The following SLX4IP variants were observed in gnomAD, a reference collection of about 807,000 sequenced individuals.
SLX4IP encodes SLX4 interacting protein.
A neutral mutation model predicts 32.9 loss-of-function variants in SLX4IP; 34 were observed. The ratio of observed to expected loss-of-function variants is 1.03; its 90% CI spans 0.79 to 1.38. The LOEUF (loss-of-function observed/expected upper bound fraction) is 1.38. Among genes scored for constraint, SLX4IP ranks in the 40% most tolerant of loss-of-function variants. The pLI, the probability that SLX4IP is intolerant of heterozygous loss-of-function variation, is 0.00. For missense variants in SLX4IP, 444 were observed against 479.0 expected, an observed-to-expected ratio of 0.93 and a Z score of 0.68; for synonymous variants, 172 against 171.7, an observed-to-expected ratio of 1.00 and a Z score of -0.01.
At chr20:10,522,681 C>T (rs1363098150) in intron 2 of SLX4IP, among the ~76,000 whole-genome samples, 9 of 152,190 alleles carry the variant, frequency 5.9e-5, no homozygotes, top group Middle Eastern at 3.2e-3. Flanking sequence ...TCATCTCATG[C>T]GCTTACATAT....
intron 4 of SLX4IP, among the ~76,000 whole-genome samples, chr20:10,572,066 G>C (rs2066473150): frequency 6.6e-6 from 1 of 152,120 alleles, no homozygotes; most frequent in South Asian, 2.1e-4. Flanking sequence ...CTGGCTCTGG[G>C]TTAGATCTTC....
intron 4 of SLX4IP, among the ~76,000 whole-genome samples, chr20:10,561,790 T>C (rs1568741891): frequency 6.6e-6 from 1 of 152,202 alleles, no homozygotes; most frequent in East Asian, 1.9e-4. Context: ...CTTAGAATAA[T>C]AGTCTCAAGT....
intron 2 of SLX4IP, among the ~76,000 whole-genome samples, chr20:10,483,425 A>G (rs2065542795): frequency 6.6e-6 from 1 of 152,150 alleles, no homozygotes. Context: ...CTTGTCCAAG[A>G]AAGGTAATTT....
intron 6 of SLX4IP, among the ~76,000 whole-genome samples, chr20:10,618,351 C>T (rs1218003406): frequency 1.3e-5 from 2 of 152,166 alleles, no homozygotes; most frequent in African/African-American, 4.8e-5. Context: ...TGTGTACTGA[C>T]ATTCTTTATA....
intron 4 of SLX4IP, among the ~76,000 whole-genome samples, chr20:10,564,247 CT>C (rs1226462077): frequency 6.6e-6 from 1 of 152,190 alleles, no homozygotes; most frequent in African/African-American, 2.4e-5. Flanking sequence ...ATCTAACTGC[CT>C]GTTTTCAGCT....
At chr20:10,437,422 T>C (rs915805226) in intron 1 of SLX4IP, among the ~76,000 whole-genome samples, 1 of 152,208 alleles carries the variant, frequency 6.6e-6, no homozygotes, top group Non-Finnish European at 1.5e-5. Flanking sequence ...CTGGATGAAA[T>C]TAAAGAGCCA....
intron 1 of SLX4IP, among the ~76,000 whole-genome samples, chr20:10,453,744 A>AT (rs952187523): frequency 8.7e-6 from 1 of 114,450 alleles, no homozygotes; most frequent in Non-Finnish European, 2.1e-5. Flanking sequence ...CTTAAAAAAA[A>AT]TTTTTTTTTT....
chr20:10,474,064 C>T (rs2065452265), intron 2 of SLX4IP, among the ~76,000 whole-genome samples: 1 of 152,026 alleles, frequency 6.6e-6, no homozygotes, highest in African/African-American at 2.4e-5. Context: ...CTCAGATGAC[C>T]CACCTGCCTC....
At chr20:10,492,679 G>T (rs2065634078) in intron 2 of SLX4IP, among the ~76,000 whole-genome samples, 1 of 152,016 alleles carries the variant, frequency 6.6e-6, no homozygotes, top group African/African-American at 2.4e-5. Context: ...GTCTTTTATG[G>T]TTTGTACTTT....
chr20:10,436,944 A>T (rs1465742773), intron 1 of SLX4IP, among the ~76,000 whole-genome samples: 2 of 148,660 alleles, frequency 1.3e-5, no homozygotes, highest in Non-Finnish European at 3.0e-5. Flanking sequence ...AAAGTTGTTT[A>T]CTGTGCTTCT....
chr20:10,436,351 CCTTT>C (rs1321592828), intron 1 of SLX4IP, among the ~76,000 whole-genome samples: 3 of 134,360 alleles, frequency 2.2e-5, no homozygotes, highest in Admixed American at 7.9e-5. Flanking sequence ...AAGATACAGC[CCTTT>C]CTTTCTTTCT....
intron 2 of SLX4IP, among the ~76,000 whole-genome samples, chr20:10,493,675 T>A (rs665023): frequency 0.42 from 63,429 of 151,810 alleles, 13,639 homozygotes; most frequent in Admixed American, 0.51. Flanking sequence ...TAGTGGTTAT[T>A]CCTGTCTTGT....
At chr20:10,560,856 A>G in intron 4 of SLX4IP, 36 bp downstream of exon 4, 1 of 1,537,726 alleles carries the variant, frequency 6.5e-7, no homozygotes, top group Non-Finnish European at 8.7e-7. Flanking sequence ...GACAAAAAAT[A>G]AATAGAATTT....
In SLX4IP at chr20:10,624,051, A is replaced by C. The variant is rs1397944988; in HGVS notation, c.*672A>C. Reference sequence around the variant, plus strand: ...GCTCACCAGTTGGGGCCAGATGTGCACATGCATCCCCTCGGACTCCCTCAA... The same window carrying C: ...GCTCACCAGTTGGGGCCAGATGTGCCCATGCATCCCCTCGGACTCCCTCAA... On this transcript the variant is annotated 3_prime_UTR_variant, in exon 8 of 8. Transcript: ENST00000334534. 1 of 152,454 alleles carries C rather than the reference A, an allele frequency of 6.6e-6. No homozygotes were observed. The highest frequency in any genetic ancestry group is 1.5e-5 in the Non-Finnish European group (1 of 68,234). 9.4% of individuals were successfully genotyped at this position (152,454 alleles called of 1,614,324 possible).
chr20:10,436,323 G>A (rs1017940880), intron 1 of SLX4IP, among the ~76,000 whole-genome samples: 3 of 151,844 alleles, frequency 2.0e-5, no homozygotes, highest in African/African-American at 7.3e-5. Context: ...AAGGAACATT[G>A]ATTCAGGGCA....
At chr20:10,540,171 C>T (rs1328494634) in intron 2 of SLX4IP, among the ~76,000 whole-genome samples, 1 of 150,060 alleles carries the variant, frequency 6.7e-6, no homozygotes, top group Non-Finnish European at 1.5e-5. Flanking sequence ...CTCCTTCCTT[C>T]CTTCCTTCCC....
intron 6 of SLX4IP, among the ~76,000 whole-genome samples, chr20:10,612,500 A>C (rs936282945): frequency 2.0e-5 from 3 of 152,186 alleles, no homozygotes; most frequent in Non-Finnish European, 4.4e-5. Context: ...TATGTTTTGT[A>C]ATATTCTACT....
chr20:10,527,558 G>A (rs906770715), intron 2 of SLX4IP, among the ~76,000 whole-genome samples: 3 of 152,182 alleles, frequency 2.0e-5, no homozygotes, highest in African/African-American at 4.8e-5. Flanking sequence ...TTTTTATAAG[G>A]TATAAGGGAA....
intron 2 of SLX4IP, among the ~76,000 whole-genome samples, chr20:10,526,480 GA>G (rs2065941421): frequency 6.6e-6 from 1 of 152,212 alleles, no homozygotes. Flanking sequence ...GTATTTGTCT[GA>G]AATATGTCCT....
Sources: gnomAD v4.1 joint callset for allele counts (sites outside exome capture counted in the v4.1 genomes callset) on GRCh38, gnomAD v4.1.1 for gene constraint, MANE v1.5 for transcripts, NCBI Gene and HGNC (gene_info 2026-07-23, HGNC 2026-07-21) for gene names.